The following RAB3IL1 variants were observed in gnomAD, a reference collection of about 807,000 sequenced individuals.
RAB3IL1 encodes the protein RAB3A interacting protein like 1.
A neutral mutation model predicts 49.2 loss-of-function variants in RAB3IL1; 37 were observed. The observed-to-expected ratio is 0.75, with a 90% CI of 0.58 to 0.99. RAB3IL1 has a LOEUF of 0.99. Ranked by LOEUF, RAB3IL1 falls within the 50% of genes least tolerant of loss-of-function variation. The pLI, the probability that RAB3IL1 is intolerant of heterozygous loss-of-function variation, is 0.00. For synonymous variants in RAB3IL1, 193 were observed against 213.9 expected (o/e 0.90, Z 0.85); for missense variants, 484 against 513.0 (o/e 0.94, Z 0.55).
chr11:61,923,541 T>C (rs1939949324), upstream of RAB3IL1, among the ~76,000 whole-genome samples: 1 of 152,120 alleles, frequency 6.6e-6, no homozygotes, highest in Non-Finnish European at 1.5e-5. Context: ...AGCAACTGGA[T>C]TTTTCCCCTG....
At chr11:61,907,350 G>A (rs778892105) in intron 4 of RAB3IL1, 43 bp downstream of exon 4, 2 of 1,599,072 alleles carry the variant, frequency 1.3e-6, no homozygotes, top group Non-Finnish European at 1.7e-6. Flanking sequence ...GGGAGGCAGG[G>A]GGGGTGCCTG....
At chr11:61,925,421 G>A in the RAB3IL1 span, among the ~76,000 whole-genome samples, 3 of 152,084 alleles carry the variant, frequency 2.0e-5, no homozygotes, top group Admixed American at 6.5e-5. Context: ...ATCACTTGAC[G>A]TCAGGAGTTC....
chr11:61,912,991 C>T (rs1475965660), intron 1 of RAB3IL1, among the ~76,000 whole-genome samples: 2 of 152,024 alleles, frequency 1.3e-5, no homozygotes, highest in Non-Finnish European at 2.9e-5. Flanking sequence ...AACAGCGGTA[C>T]CCATGCTGGG....
the RAB3IL1 span, among the ~76,000 whole-genome samples, chr11:61,934,442 GTGTGTATGTATA>G: frequency 5.3e-5 from 1 of 18,708 alleles, no homozygotes; most frequent in African/African-American, 1.6e-4. Context: ...GTGTGTGTGT[GTGTGTATGTATA>G]TATATATATA....
chr11:61,918,180 G>A (rs1482108875), upstream of RAB3IL1, among the ~76,000 whole-genome samples: 2 of 151,678 alleles, frequency 1.3e-5, no homozygotes, highest in Non-Finnish European at 2.9e-5. Flanking sequence ...CACCTGTCTG[G>A]TCCCACATCC....
At chr11:61,901,992 C>G (rs1157868187) in intron 8 of RAB3IL1, among the ~76,000 whole-genome samples, 1 of 152,200 alleles carries the variant, frequency 6.6e-6, no homozygotes, top group Non-Finnish European at 1.5e-5. Context: ...AGTCTCTGCG[C>G]CTCTCTGAGC....
upstream of RAB3IL1, among the ~76,000 whole-genome samples, chr11:61,918,126 A>G (rs1229185167): frequency 6.6e-6 from 1 of 151,838 alleles, no homozygotes; most frequent in Non-Finnish European, 1.5e-5. Context: ...TGCCCTCTGG[A>G]TAGTATTCCC....
Position 61,898,392 on chromosome 11 carries a change from G to C in RAB3IL1, c.1067-32C>G, listed in dbSNP as rs1168981763. The C allele has an allele frequency of 6.3e-7, 1 of 1,598,906 alleles. No homozygotes were observed. Among genetic ancestry groups the C allele is most frequent in the Non-Finnish European group, 8.6e-7 (1 of 1,168,136 alleles). ...GCAGAGAGAGGGTGAACAGGTCGGG[G>C]ACAGCTCAGGGTCACCTCGGGCAGA... On this transcript the variant is annotated intron_variant, in intron 9 of 9. Coordinates refer to ENST00000394836, the MANE Select transcript of RAB3IL1 (RefSeq NM_013401.4). The surrounding 1 kb of genome is among the most constrained non-coding windows in gnomAD (Gnocchi z 5.1).
At chr11:61,907,697 A>C (rs1015490415) in intron 2 of RAB3IL1, 37 bp from the exon 3 acceptor site, 1 of 1,595,826 alleles carries the variant, frequency 6.3e-7, no homozygotes, top group South Asian at 1.1e-5. Flanking sequence ...GCACCTCAGC[A>C]TCCCCAGGCC....
the RAB3IL1 span, among the ~76,000 whole-genome samples, chr11:61,942,814 G>A: frequency 6.6e-6 from 1 of 152,150 alleles, no homozygotes; most frequent in African/African-American, 2.4e-5. Flanking sequence ...TAACCAAGAA[G>A]ATGCAAGACT....
chr11:61,903,062 C>T lies in RAB3IL1; in HGVS notation c.900-521G>A, dbSNP rs369885542. 7.8e-4 allele frequency among the ~76,000 whole-genome samples: 119 copies of T among 152,250 alleles called. 1 individual carries two copies. The South Asian group carries it at 0.023, about 30-fold the overall frequency. On this transcript the variant is annotated intron_variant, in intron 7 of 9. Coordinates refer to ENST00000394836, the MANE Select transcript of RAB3IL1 (RefSeq NM_013401.4). ...TCCCATGCCCTCTTCTCTCCTCCCC[C>T]CAGTCCTGCATGACGTCGCTCAGCA... is the stretch of plus-strand genomic sequence containing the variant.
chr11:61,931,499 C>T, the RAB3IL1 span, among the ~76,000 whole-genome samples: 3 of 152,166 alleles, frequency 2.0e-5, no homozygotes, highest in South Asian at 2.1e-4. Context: ...TTTAAGATCT[C>T]GCTCTTAATA....
At chr11:61,938,714 T>G in the RAB3IL1 span, among the ~76,000 whole-genome samples, 1 of 151,986 alleles carries the variant, frequency 6.6e-6, no homozygotes, top group Admixed American at 6.6e-5. Flanking sequence ...TCACCTGAGG[T>G]CAGGAATTCA....
intron 1 of RAB3IL1, among the ~76,000 whole-genome samples, chr11:61,909,313 G>GACT (rs1345082044): frequency 5.5e-4 from 84 of 152,298 alleles, no homozygotes; most frequent in African/African-American, 2.0e-3. Flanking sequence ...GACGGCTGAG[G>GACT]CAGAGGGAGG....
the RAB3IL1 span, among the ~76,000 whole-genome samples, chr11:61,938,324 C>T: frequency 1.8e-4 from 28 of 152,236 alleles, no homozygotes; most frequent in South Asian, 3.3e-3. Flanking sequence ...TGGATCCCTT[C>T]GGCCCAGGAG....
In RAB3IL1 at chr11:61,906,439, T is replaced by C; in HGVS notation, c.657+27A>G. 1 of 1,533,474 alleles carries C rather than the reference T, an allele frequency of 6.5e-7. No homozygotes were observed. The allele number at this position is 1,533,474 out of a possible 1,614,324, so 95.0% of individuals were successfully genotyped here. The stretch of plus-strand genomic sequence containing the variant: ...CCGCAGGCACTGCCACCCTTCCCCG[T>C]GCCCAGAGCCCGCTTCCCACCCTCA... On this transcript the variant is annotated intron_variant, in intron 5 of 9. Coordinates refer to ENST00000394836, the MANE Select transcript of RAB3IL1 (RefSeq NM_013401.4). This position sits in a 1 kb window ranked among gnomAD's most constrained non-coding sequence, Gnocchi z 4.6.
chr11:61,917,131 CG>C (rs1939728800), intron 1 of RAB3IL1, among the ~76,000 whole-genome samples: 1 of 152,140 alleles, frequency 6.6e-6, no homozygotes, highest in African/African-American at 2.4e-5. Context: ...GCTGTCACCC[CG>C]GGACGGTCGG....
Position 61,898,906 on chromosome 11 carries a change from C to T in RAB3IL1, c.1066+408G>A, listed in dbSNP as rs1395613635. Reference sequence around the variant, plus strand: ...CAGCGAGCAAAGGTTGGTGGAGGAGCGGGGAGCCAGGCCTTGCAGAATGGG... The same window carrying T: ...CAGCGAGCAAAGGTTGGTGGAGGAGTGGGGAGCCAGGCCTTGCAGAATGGG... On this transcript the variant is annotated intron_variant, in intron 9 of 9. Coordinates refer to ENST00000394836, the MANE Select transcript of RAB3IL1 (RefSeq NM_013401.4). The surrounding 1 kb of genome is among the most constrained non-coding windows in gnomAD (Gnocchi z 5.1). 3 of 447,822 alleles carry T rather than the reference C, an allele frequency of 6.7e-6. No homozygotes were observed. The highest frequency in any genetic ancestry group is 2.4e-5 in the Admixed American group (1 of 41,538). 27.7% of individuals were successfully genotyped at this position (447,822 alleles called of 1,614,324 possible).
intron 1 of RAB3IL1, among the ~76,000 whole-genome samples, chr11:61,911,967 C>A (rs1344712005): frequency 6.6e-6 from 1 of 152,218 alleles, no homozygotes; most frequent in Non-Finnish European, 1.5e-5. Flanking sequence ...ACTCCGTGGC[C>A]CTCGGTCTCT....
Sources: allele counts gnomAD v4.1 joint callset (sites outside exome capture counted in the v4.1 genomes callset), GRCh38; gene constraint gnomAD v4.1.1; non-coding constraint Gnocchi (gnomAD v3.1); transcripts MANE v1.5; gene names NCBI Gene and HGNC (gene_info 2026-07-23, HGNC 2026-07-21).